Variants in SLC4A4 observed in about 807,000 individuals in gnomAD.
The protein encoded by SLC4A4 is solute carrier family 4 member 4, also known as electrogenic sodium bicarbonate cotransporter 1.
A neutral mutation model predicts 111.5 loss-of-function variants in SLC4A4; 27 were observed. The observed-to-expected ratio is 0.24, with a 90% CI of 0.18 to 0.33. The LOEUF (loss-of-function observed/expected upper bound fraction) is 0.33. Ranked by LOEUF, SLC4A4 falls within the 10% of genes least tolerant of loss-of-function variation. The pLI is 1.00. For missense variants in SLC4A4, 909 were observed against 1,315.5 expected (o/e 0.69, Z 4.78); for synonymous variants, 443 against 463.4 (o/e 0.96, Z 0.57).
chr4:71,177,697 C>T (rs113455612), intron 2 of SLC4A4, among the ~76,000 whole-genome samples: 1 of 152,176 alleles, frequency 6.6e-6, no homozygotes, highest in African/African-American at 2.4e-5. Flanking sequence ...TAGTGACCTA[C>T]AAAGAGACTT....
chr4:71,247,989 A>T (rs1365782441), intron 2 of SLC4A4, among the ~76,000 whole-genome samples: 1 of 152,044 alleles, frequency 6.6e-6, no homozygotes, highest in Admixed American at 6.6e-5. Context: ...ACTTTGCCCA[A>T]ATCAGGGTGG....
intron 2 of SLC4A4, among the ~76,000 whole-genome samples, chr4:71,145,820 T>C (rs149675786): frequency 0.015 from 2,320 of 152,330 alleles, 69 homozygotes; most frequent in African/African-American, 0.053. Flanking sequence ...TTCTTGCGTC[T>C]ATTTGATTCT....
intron 2 of SLC4A4, among the ~76,000 whole-genome samples, chr4:71,244,033 T>C (rs1444814688): frequency 1.3e-5 from 2 of 152,192 alleles, no homozygotes; most frequent in African/African-American, 2.4e-5. Flanking sequence ...TTGTTATAGA[T>C]GGGTTAAATC....
At chr4:71,437,029 G>A in intron 7 of SLC4A4, 1 of 370,026 alleles carries the variant, frequency 2.7e-6, no homozygotes, top group Non-Finnish European at 5.3e-6. Flanking sequence ...TAGGCCAATG[G>A]TCCAATTAGT....
intron 2 of SLC4A4, among the ~76,000 whole-genome samples, chr4:71,179,145 A>T (rs1397778818): frequency 2.6e-5 from 4 of 152,218 alleles, no homozygotes; most frequent in Admixed American, 1.3e-4. Flanking sequence ...CCTTTGACAA[A>T]ATTCAACAAT....
chr4:71,122,313 CAAAAAAAAA>C (rs10611413), intron 2 of SLC4A4, among the ~76,000 whole-genome samples: 1 of 117,370 alleles, frequency 8.5e-6, no homozygotes. Context: ...GACTCTGTCT[CAAAAAAAAA>C]AAAAAAAAAA....
intron 7 of SLC4A4, among the ~76,000 whole-genome samples, chr4:71,426,405 G>A (rs1723140963): frequency 6.6e-6 from 1 of 152,064 alleles, no homozygotes; most frequent in Non-Finnish European, 1.5e-5. Context: ...AATTCAAAAA[G>A]TTCAGATAAG....
At chr4:71,366,876 C>T (rs952235246) in intron 6 of SLC4A4, among the ~76,000 whole-genome samples, 25 of 152,210 alleles carry the variant, frequency 1.6e-4, no homozygotes, top group African/African-American at 5.5e-4. Flanking sequence ...TCCAACAAAT[C>T]AAAATGTAGA....
Position 71,238,365 on chromosome 4 carries a change from C to G in SLC4A4, c.73+1716C>G, listed in dbSNP as rs918101083. On this transcript the variant is annotated intron_variant, in intron 2 of 25. Coordinates refer to ENST00000264485, the MANE Select transcript of SLC4A4 (RefSeq NM_001098484.3). ...AACTATTTCCCTTGATTTTCAAGCA[C>G]AAAATTAAGACGACAATATAAATGA... Among the ~76,000 whole-genome samples, 3 of 151,660 alleles carry G rather than the reference C, an allele frequency of 2.0e-5. No individual in the cohort carries two copies. The East Asian group carries it at 5.9e-4, about 30-fold the overall frequency.
At chr4:71,358,776 G>A (rs188907573) in intron 6 of SLC4A4, among the ~76,000 whole-genome samples, 90 of 151,906 alleles carry the variant, frequency 5.9e-4, no homozygotes, top group African/African-American at 2.1e-3. Context: ...GTTATAGAAT[G>A]AGTAGTTTAT....
intron 2 of SLC4A4, among the ~76,000 whole-genome samples, chr4:71,180,120 A>G (rs1340142939): frequency 6.6e-6 from 1 of 152,192 alleles, no homozygotes; most frequent in African/African-American, 2.4e-5. Flanking sequence ...CTATTTAATA[A>G]ATGGTGCTGG....
chr4:71,436,851 A>G (rs1724203051), intron 7 of SLC4A4: 1 of 168,458 alleles, frequency 5.9e-6, no homozygotes, highest in Non-Finnish European at 1.3e-5. Flanking sequence ...GTAACTTCCC[A>G]TTGACAGTGT....
intron 1 of SLC4A4, among the ~76,000 whole-genome samples, chr4:71,235,298 A>T (rs960100262): frequency 6.6e-6 from 1 of 152,234 alleles, no homozygotes; most frequent in African/African-American, 2.4e-5. Flanking sequence ...CTTCTAAAAT[A>T]GTAAGGACAA....
chr4:71,189,466 T>C (rs995302081), intron 1 of SLC4A4, among the ~76,000 whole-genome samples: 1 of 152,214 alleles, frequency 6.6e-6, no homozygotes, highest in Non-Finnish European at 1.5e-5. Flanking sequence ...AGAGGAATAA[T>C]GCGATAGAAA....
At chr4:71,284,077 T>C (rs1692174885) in intron 3 of SLC4A4, among the ~76,000 whole-genome samples, 1 of 152,194 alleles carries the variant, frequency 6.6e-6, no homozygotes, top group South Asian at 2.1e-4. Flanking sequence ...AGGAGTAGTA[T>C]GATGTCATAG....
At chr4:71,550,366 G>A (rs537808735) in intron 20 of SLC4A4, among the ~76,000 whole-genome samples, 10 of 151,992 alleles carry the variant, frequency 6.6e-5, no homozygotes, top group African/African-American at 2.2e-4. Context: ...AGTTAAGTGC[G>A]TTTATCACAA....
chr4:71,095,965 T>C (rs1388458968), intron 2 of SLC4A4, among the ~76,000 whole-genome samples: 1 of 152,178 alleles, frequency 6.6e-6, no homozygotes, highest in East Asian at 1.9e-4. Context: ...GAGAGATTTT[T>C]ACACATTTGA....
intron 6 of SLC4A4, among the ~76,000 whole-genome samples, chr4:71,363,505 C>G (rs533212974): frequency 2.0e-5 from 3 of 152,190 alleles, no homozygotes; most frequent in East Asian, 3.8e-4. Flanking sequence ...GGCCATCCCC[C>G]CAACTGCCCC....
At chr4:71,551,682 G>A (rs1736008055) in intron 20 of SLC4A4, among the ~76,000 whole-genome samples, 1 of 151,842 alleles carries the variant, frequency 6.6e-6, no homozygotes, top group African/African-American at 2.4e-5. Flanking sequence ...CATAGTACTT[G>A]CTCTCAAAGA....
Sources: allele counts gnomAD v4.1 joint callset (sites outside exome capture counted in the v4.1 genomes callset), GRCh38; gene constraint gnomAD v4.1.1; transcripts MANE v1.5; gene names NCBI Gene and HGNC (gene_info 2026-07-23, HGNC 2026-07-21).